The following STX8 variants were observed in gnomAD, a reference collection of about 807,000 sequenced individuals.
The protein encoded by STX8 is syntaxin 8.
In STX8, 23 loss-of-function variants were observed where a neutral mutation model predicts 37.5. The ratio of observed to expected loss-of-function variants is 0.61; its 90% CI spans 0.44 to 0.87. The LOEUF is 0.87. Ranked by LOEUF, STX8 falls within the 40% of genes least tolerant of loss-of-function variation. STX8 has a pLI of 0.00. For missense variants in STX8, 313 were observed against 284.7 expected, an observed-to-expected ratio of 1.10 and a Z score of -0.71; for synonymous variants, 115 against 99.1, an observed-to-expected ratio of 1.16 and a Z score of -0.95.
chr17:9,425,715 G>A (rs2142358415), intron 6 of STX8, among the ~76,000 whole-genome samples: 1 of 152,278 alleles, frequency 6.6e-6, no homozygotes, highest in South Asian at 2.1e-4. Flanking sequence ...CTTTCTTCCA[G>A]TTAAGTGACA....
chr17:9,272,602 G>A (rs1490885591), intron 7 of STX8, among the ~76,000 whole-genome samples: 2 of 152,204 alleles, frequency 1.3e-5, no homozygotes, highest in Non-Finnish European at 2.9e-5. Context: ...CGAAGCTAGC[G>A]CGCCAGCGAG....
intron 6 of STX8, among the ~76,000 whole-genome samples, chr17:9,464,174 T>A (rs1307563946): frequency 2.0e-5 from 3 of 152,232 alleles, no homozygotes; most frequent in African/African-American, 7.2e-5. Flanking sequence ...TAAATCTGAT[T>A]CTTAAACAGC....
In STX8 at chr17:9,488,197, G is replaced by C. The variant is rs371063344; in HGVS notation, c.541+3632C>G. On this transcript the variant is annotated intron_variant, in intron 6 of 7. Coordinates refer to ENST00000306357, the MANE Select transcript of STX8 (RefSeq NM_004853.3). ...CAAAATTAGCTGGGCATGGTGGCAG[G>C]CGCCTGTAATCCCAGCTACTTGGGA... Among the ~76,000 whole-genome samples the C allele has an allele frequency of 1.5e-3, 230 of 152,170 alleles. 2 individuals are homozygous for C. The highest frequency in any genetic ancestry group is 7.5e-3 in the South Asian group (36 of 4,820).
chr17:9,319,671 G>A (rs567869510), intron 7 of STX8, among the ~76,000 whole-genome samples: 9 of 152,040 alleles, frequency 5.9e-5, no homozygotes, highest in African/African-American at 2.2e-4. Context: ...AATGAAAGCC[G>A]GCCAGGCACA....
At chr17:9,475,383 C>A (rs935186889) in intron 6 of STX8, among the ~76,000 whole-genome samples, 2 of 152,190 alleles carry the variant, frequency 1.3e-5, no homozygotes, top group Admixed American at 1.3e-4. Context: ...GGAGAGGCTC[C>A]AAGCTTAGAG....
At chr17:9,259,719 G>C (rs1906935148) in intron 7 of STX8, among the ~76,000 whole-genome samples, 1 of 152,178 alleles carries the variant, frequency 6.6e-6, no homozygotes, top group Non-Finnish European at 1.5e-5. Flanking sequence ...AAGCCAGTGA[G>C]GAAGTGGAGG....
At chr17:9,427,920 C>T (rs1424520474) in intron 6 of STX8, among the ~76,000 whole-genome samples, 3 of 152,164 alleles carry the variant, frequency 2.0e-5, no homozygotes. Context: ...AATTCCTGCT[C>T]CTCTGGCCAA....
At chr17:9,379,186 A>G (rs1911705593) in intron 6 of STX8, among the ~76,000 whole-genome samples, 1 of 150,770 alleles carries the variant, frequency 6.6e-6, no homozygotes, top group Non-Finnish European at 1.5e-5. Flanking sequence ...CAGAGGTTGC[A>G]CTGAGCCAAG....
chr17:9,271,402 C>T (rs568988291), intron 7 of STX8, among the ~76,000 whole-genome samples: 2 of 152,112 alleles, frequency 1.3e-5, no homozygotes, highest in South Asian at 4.2e-4. Flanking sequence ...TGCAGTGAGC[C>T]GAGATGCGCC....
chr17:9,566,589 C>A (rs1440364120), intron 2 of STX8, among the ~76,000 whole-genome samples: 1 of 152,106 alleles, frequency 6.6e-6, no homozygotes, highest in Admixed American at 6.6e-5. Context: ...GTGTTCGAGA[C>A]AAGCCTGGCC....
rs35962202 is a variant in STX8 at position 9,535,424 on chromosome 17, CTTTTTTTTTT to C, written c.323+9738_323+9747del. Among the ~76,000 whole-genome samples the C allele has an allele frequency of 2.6e-3, 134 of 51,566 alleles. 2 individuals carry two copies. Among genetic ancestry groups the C allele is most frequent in the African/African-American group, 8.8e-3 (120 of 13,612 alleles). 33.8% of individuals were successfully genotyped at this position (51,566 alleles called of 152,430 possible). On this transcript the variant is annotated intron_variant, in intron 4 of 7. Transcript: ENST00000306357. ...CATACCCTCTGACCCAGCCATCCTA[CTTTTTTTTTT>C]TTTTTTTTTTTTTTTTGAGACGGAG... is the stretch of plus-strand genomic sequence containing the variant.
intron 6 of STX8, among the ~76,000 whole-genome samples, chr17:9,438,873 G>A (rs1904539454): frequency 6.6e-6 from 1 of 152,070 alleles, no homozygotes; most frequent in Admixed American, 6.5e-5. Context: ...AGCTTGCAGT[G>A]AGCTGAGATC....
chr17:9,354,172 C>T (rs970419915), intron 7 of STX8, among the ~76,000 whole-genome samples: 3 of 152,088 alleles, frequency 2.0e-5, no homozygotes, highest in African/African-American at 7.2e-5. Context: ...TCCCATCTAC[C>T]CTATAGTTGA....
chr17:9,402,778 C>T (rs1383829455), intron 6 of STX8, among the ~76,000 whole-genome samples: 2 of 152,096 alleles, frequency 1.3e-5, no homozygotes, highest in South Asian at 2.1e-4. Context: ...ACTTAACTTT[C>T]GCAGCAGAGG....
At chr17:9,361,086 G>A (rs1465139978) in intron 7 of STX8, among the ~76,000 whole-genome samples, 1 of 152,152 alleles carries the variant, frequency 6.6e-6, no homozygotes, top group African/African-American at 2.4e-5. Context: ...CTGGTTCAAT[G>A]ACTGAAAATT....
At chr17:9,461,944 G>T (rs1905405957) in intron 6 of STX8, among the ~76,000 whole-genome samples, 1 of 152,022 alleles carries the variant, frequency 6.6e-6, no homozygotes, top group Non-Finnish European at 1.5e-5. Flanking sequence ...TCACAATAGG[G>T]TTCACGCTCC....
chr17:9,570,185 A>T (rs1263783759), intron 1 of STX8, among the ~76,000 whole-genome samples: 1 of 152,084 alleles, frequency 6.6e-6, no homozygotes, highest in Non-Finnish European at 1.5e-5. Context: ...TCATTTGAAC[A>T]CTGAGGGAAC....
At chr17:9,405,473 G>C (rs1454484982) in intron 6 of STX8, among the ~76,000 whole-genome samples, 1 of 152,164 alleles carries the variant, frequency 6.6e-6, no homozygotes, top group Non-Finnish European at 1.5e-5. Context: ...AGGGGCTCTT[G>C]TTTTCTAGGC....
At chr17:9,284,226 C>T (rs2142155603) in intron 7 of STX8, among the ~76,000 whole-genome samples, 1 of 152,310 alleles carries the variant, frequency 6.6e-6, no homozygotes, top group Middle Eastern at 3.4e-3. Flanking sequence ...GGGATCTGCA[C>T]AGCTCTTTTC....
Sources: allele counts gnomAD v4.1 joint callset (sites outside exome capture counted in the v4.1 genomes callset), GRCh38; gene constraint gnomAD v4.1.1; transcripts MANE v1.5; gene names NCBI Gene and HGNC (gene_info 2026-07-23, HGNC 2026-07-21).